Variants in PPARGC1A observed in about 807,000 individuals in gnomAD.
The protein encoded by PPARGC1A is PPARG coactivator 1 alpha, also known as peroxisome proliferator-activated receptor gamma coactivator 1-alpha.
Under a neutral mutation model 88.7 loss-of-function variants are expected in PPARGC1A, and 25 were observed. That is an observed-to-expected ratio of 0.28 (90% CI 0.21 to 0.39). The LOEUF is 0.39. PPARGC1A is among the 10% of genes least tolerant of loss of function. The probability of loss-of-function intolerance (pLI) is 1.00; values close to 1 mark genes in which losing one functional copy is unlikely to be tolerated. For synonymous variants in PPARGC1A, 363 were observed against 355.6 expected (o/e 1.02, Z -0.24); for missense variants, 880 against 968.7 (o/e 0.91, Z 1.22).
At chr4:23,918,331 C>T in the PPARGC1A span, among the ~76,000 whole-genome samples, 1 of 151,834 alleles carries the variant, frequency 6.6e-6, no homozygotes, top group African/African-American at 2.4e-5. Context: ...AAGCAATTCT[C>T]CTGCCTTAGC....
the PPARGC1A span, among the ~76,000 whole-genome samples, chr4:23,927,439 G>A: frequency 1.1e-4 from 16 of 152,222 alleles, no homozygotes; most frequent in Admixed American, 7.2e-4. Context: ...AAAGGTTTAT[G>A]GTTTTTTCTT....
chr4:24,303,219 A>G, the PPARGC1A span, among the ~76,000 whole-genome samples: 5 of 152,250 alleles, frequency 3.3e-5, no homozygotes, highest in Non-Finnish European at 7.3e-5. Flanking sequence ...GGAGGGGCAG[A>G]AGACAGAGAA....
intron 2 of PPARGC1A, chr4:23,883,183 A>G (rs1462742826): frequency 6.6e-6 from 1 of 152,290 alleles, no homozygotes; most frequent in East Asian, 1.9e-4. Context: ...GGGAAAGTAG[A>G]ACTAACCACA....
chr4:23,938,176 G>T, the PPARGC1A span, among the ~76,000 whole-genome samples: 1 of 151,988 alleles, frequency 6.6e-6, no homozygotes, highest in South Asian at 2.1e-4. Context: ...AAAAAATTCA[G>T]TTTCTGCTAA....
the PPARGC1A span, among the ~76,000 whole-genome samples, chr4:24,448,372 C>T: frequency 2.6e-3 from 389 of 152,342 alleles, 3 homozygotes; most frequent in African/African-American, 9.0e-3. Context: ...CCCTACCATC[C>T]ATCTCTGCTG....
At chr4:24,237,048 A>G in the PPARGC1A span, among the ~76,000 whole-genome samples, 1 of 152,194 alleles carries the variant, frequency 6.6e-6, no homozygotes. Context: ...TGCCAAAAAC[A>G]TGTAAATTCA....
At chr4:24,017,314 A>T in the PPARGC1A span, among the ~76,000 whole-genome samples, 1 of 152,200 alleles carries the variant, frequency 6.6e-6, no homozygotes, top group Non-Finnish European at 1.5e-5. Context: ...AAGACACTCA[A>T]ATCCTAACAC....
chr4:24,190,385 GGTGCCTGTA>G, the PPARGC1A span, among the ~76,000 whole-genome samples: 3 of 151,966 alleles, frequency 2.0e-5, no homozygotes, highest in Admixed American at 6.6e-5. Context: ...CATGGTGGCG[GGTGCCTGTA>G]GTCCCAGCTA....
chr4:24,401,021 T>C, the PPARGC1A span, among the ~76,000 whole-genome samples: 1 of 136,662 alleles, frequency 7.3e-6, no homozygotes. Context: ...TTTTCTTTTT[T>C]TTTTTTTTTT....
chr4:24,131,149 G>A, the PPARGC1A span, among the ~76,000 whole-genome samples: 1 of 151,948 alleles, frequency 6.6e-6, no homozygotes, highest in African/African-American at 2.4e-5. Context: ...TTAGTACCTA[G>A]CACAGTGCCA....
chr4:23,800,428 AAAAATT>A (rs1045660936), intron 12 of PPARGC1A, among the ~76,000 whole-genome samples: 1 of 151,972 alleles, frequency 6.6e-6, no homozygotes, highest in Non-Finnish European at 1.5e-5. Flanking sequence ...TTGAAAAATT[AAAAATT>A]AAATGTTTGG....
the PPARGC1A span, among the ~76,000 whole-genome samples, chr4:24,286,030 C>A: frequency 6.6e-6 from 1 of 152,132 alleles, no homozygotes; most frequent in African/African-American, 2.4e-5. Context: ...CAGCAATCCC[C>A]TGAGGTTCAA....
At chr4:24,313,802 C>T in the PPARGC1A span, among the ~76,000 whole-genome samples, 1 of 151,942 alleles carries the variant, frequency 6.6e-6, no homozygotes, top group Non-Finnish European at 1.5e-5. Context: ...GGTACATATG[C>T]TAAAGAAACC....
At chr4:24,044,488 T>C in the PPARGC1A span, among the ~76,000 whole-genome samples, 1 of 152,146 alleles carries the variant, frequency 6.6e-6, no homozygotes, top group East Asian at 1.9e-4. Context: ...AGCAGCCATT[T>C]TGGAAGTGTT....
upstream of PPARGC1A, among the ~76,000 whole-genome samples, chr4:23,905,237 C>A (rs1209034910): frequency 6.6e-6 from 1 of 152,324 alleles, no homozygotes; most frequent in South Asian, 2.1e-4. Flanking sequence ...AACTCTTGAT[C>A]CTAATTCTCT....
At chr4:24,056,153 G>T in the PPARGC1A span, among the ~76,000 whole-genome samples, 1 of 152,182 alleles carries the variant, frequency 6.6e-6, no homozygotes, top group Non-Finnish European at 1.5e-5. Flanking sequence ...ATCTAGAATT[G>T]CTAAGCAGAA....
chr4:23,823,880 T>C (rs1369309069), intron 7 of PPARGC1A, among the ~76,000 whole-genome samples: 1 of 152,112 alleles, frequency 6.6e-6, no homozygotes, highest in East Asian at 1.9e-4. Context: ...GCACCATAGT[T>C]CTGGTTCAAA....
At chr4:24,170,130 G>A in the PPARGC1A span, among the ~76,000 whole-genome samples, 1 of 152,166 alleles carries the variant, frequency 6.6e-6, no homozygotes, top group African/African-American at 2.4e-5. Context: ...TTAAAAATAA[G>A]AGAAAGCATA....
intron 7 of PPARGC1A, among the ~76,000 whole-genome samples, chr4:23,816,805 A>G (rs1043000471): frequency 6.6e-6 from 1 of 152,206 alleles, no homozygotes; most frequent in East Asian, 1.9e-4. Flanking sequence ...ATATTACTAT[A>G]CATTTTTGCT....
Sources: gnomAD v4.1 joint callset for allele counts (sites outside exome capture counted in the v4.1 genomes callset) on GRCh38, gnomAD v4.1.1 for gene constraint, MANE v1.5 for transcripts, NCBI Gene and HGNC (gene_info 2026-07-23, HGNC 2026-07-21) for gene names.